TNIK: variants seen among roughly 807,000 people sequenced by gnomAD.
The protein encoded by TNIK is TRAF2 and NCK interacting kinase, also known as TRAF2 and NCK-interacting protein kinase.
In TNIK, 49 loss-of-function variants were observed where a neutral mutation model predicts 191.3. The ratio of observed to expected loss-of-function variants is 0.26; its 90% CI spans 0.20 to 0.32. The LOEUF (loss-of-function observed/expected upper bound fraction) is 0.32. TNIK is among the 10% of genes least tolerant of loss of function. The pLI, the probability that TNIK is intolerant of heterozygous loss-of-function variation, is 1.00. For synonymous variants in TNIK, 594 were observed against 600.9 expected (o/e 0.99, Z 0.17); for missense variants, 1,155 against 1,702.3 (o/e 0.68, Z 5.66).
rs201018663 is a variant in TNIK, at chr3:171,441,728, CT to C, written c.57+18278del. Among the ~76,000 whole-genome samples the C allele has an allele frequency of 8.2e-3, 1,248 of 152,280 alleles. 19 individuals carry two copies. The highest frequency in any genetic ancestry group is 0.029 in the African/African-American group (1,213 of 41,542). ...TTTAACTTTTTCAGAAATAGCCAAA[CT>C]GTTTTTCAAAGTGGCTGAGTTATTT... On this transcript the variant is annotated intron_variant, in intron 1 of 32. Transcript: ENST00000436636.
chr3:171,266,478 G>A (rs1488846565), intron 2 of TNIK, among the ~76,000 whole-genome samples: 2 of 152,032 alleles, frequency 1.3e-5, no homozygotes, highest in South Asian at 2.1e-4. Flanking sequence ...TCCTTAGGTT[G>A]CCCCCAACCC....
At chr3:171,202,345 G>A (rs969809216) in intron 4 of TNIK, among the ~76,000 whole-genome samples, 4 of 152,108 alleles carry the variant, frequency 2.6e-5, no homozygotes, top group Admixed American at 2.6e-4. Flanking sequence ...GAAGAATGTG[G>A]GGTGAGGAAT....
At chr3:171,164,951 A>G (rs1433473074) in intron 10 of TNIK, among the ~76,000 whole-genome samples, 1 of 152,200 alleles carries the variant, frequency 6.6e-6, no homozygotes, top group African/African-American at 2.4e-5. Flanking sequence ...TGATAGTCTA[A>G]GCTGATCATA....
rs755546359 is a variant in TNIK at position 171,110,873 on chromosome 3, G to C, written c.2125C>G (p.Pro709Ala). Residue 709 changes from proline to alanine, a missense_variant, in exon 19 of 33, where the codon CCT becomes GCT. Pro to Ala is a conservative substitution (Grantham distance 27, BLOSUM62 -1). This residue lies in a region of TNIK where 735 missense variants were observed against 848.0 expected (regional missense o/e 0.87). Transcript: ENST00000436636. ...LGSQPIRASNPDLRRTEPILE... is the reference protein window; with the variant it reads ...LGSQPIRASNADLRRTEPILE... Reference sequence around the variant, plus strand: ...ATGGGCTCAGTTCTCCGGAGATCAGGGTTGCTGTGTGAGTGACAGAGCACA... The same window carrying C: ...ATGGGCTCAGTTCTCCGGAGATCAGCGTTGCTGTGTGAGTGACAGAGCACA... 6.9e-6 allele frequency: 11 copies of C among 1,600,660 alleles called. No individual in the cohort carries two copies. Among genetic ancestry groups the C allele is most frequent in the Non-Finnish European group, 9.4e-6 (11 of 1,174,338 alleles).
At chr3:171,435,603 C>T (rs1178191581) in intron 1 of TNIK, among the ~76,000 whole-genome samples, 1 of 152,030 alleles carries the variant, frequency 6.6e-6, no homozygotes, top group Non-Finnish European at 1.5e-5. Context: ...AAAATAACTG[C>T]TAAGTTGTAC....
At chr3:171,269,256 C>T (rs548799977) in intron 2 of TNIK, among the ~76,000 whole-genome samples, 1 of 48,740 alleles carries the variant, frequency 2.1e-5, no homozygotes, top group Non-Finnish European at 4.8e-5. Flanking sequence ...TAAACACTCT[C>T]TCTTTCATTT....
At chr3:171,133,740 A>G (rs1343703970) in intron 15 of TNIK, among the ~76,000 whole-genome samples, 3 of 152,262 alleles carry the variant, frequency 2.0e-5, no homozygotes, top group South Asian at 2.1e-4. Flanking sequence ...GGAACTTTAT[A>G]TATAAACTAA....
At chr3:171,344,940 T>C (rs1191426764) in intron 2 of TNIK, among the ~76,000 whole-genome samples, 1 of 152,148 alleles carries the variant, frequency 6.6e-6, no homozygotes, top group African/African-American at 2.4e-5. Flanking sequence ...TTTGTATATA[T>C]ATATCATCTA....
At chr3:171,378,055 G>T (rs371244085) in intron 1 of TNIK, among the ~76,000 whole-genome samples, 22 of 152,360 alleles carry the variant, frequency 1.4e-4, no homozygotes, top group African/African-American at 5.0e-4. Flanking sequence ...AAACCACAAT[G>T]AGCCAAATGG....
At chr3:171,386,099 A>G (rs1011801134) in intron 1 of TNIK, among the ~76,000 whole-genome samples, 4 of 152,222 alleles carry the variant, frequency 2.6e-5, no homozygotes, top group Non-Finnish European at 5.9e-5. Flanking sequence ...AGCTACATGC[A>G]CTGTACCTAG....
intron 22 of TNIK, among the ~76,000 whole-genome samples, chr3:171,097,056 T>C (rs1382594235): frequency 1.3e-5 from 2 of 152,142 alleles, no homozygotes; most frequent in Admixed American, 1.3e-4. Flanking sequence ...TATCATAGAA[T>C]AACAAAAAAT....
At chr3:171,285,557 G>A (rs1221313842) in intron 2 of TNIK, among the ~76,000 whole-genome samples, 1 of 152,166 alleles carries the variant, frequency 6.6e-6, no homozygotes, top group Non-Finnish European at 1.5e-5. Flanking sequence ...GAAGGCTGTG[G>A]CACAGTTTAA....
Position 171,433,387 on chromosome 3 carries a change from A to G in TNIK, c.57+26620T>C, listed in dbSNP as rs1246895007. ...ACAAATCAAGACAAATTATAGAAAG[A>G]AAAGGAAAATCATACATAATTGAGC... On this transcript the variant is annotated intron_variant, in intron 1 of 32. Coordinates refer to ENST00000436636, the MANE Select transcript of TNIK (RefSeq NM_015028.4). 2.6e-5 allele frequency among the ~76,000 whole-genome samples: 4 copies of G among 152,226 alleles called. No individual in the cohort carries two copies. In the East Asian group the frequency reaches 7.7e-4, roughly 29 times the overall value.
At chr3:171,179,326 T>C (rs976224034) in intron 7 of TNIK, among the ~76,000 whole-genome samples, 5 of 152,214 alleles carry the variant, frequency 3.3e-5, no homozygotes, top group African/African-American at 1.2e-4. Context: ...TCCCAGAGGC[T>C]CTTGGCCTCG....
chr3:171,075,713 G>GTT (rs529576881), intron 28 of TNIK, among the ~76,000 whole-genome samples: 10 of 143,932 alleles, frequency 6.9e-5, no homozygotes, highest in South Asian at 4.5e-4. Flanking sequence ...GACATTAAAC[G>GTT]TTTTTTTTTT....
At chr3:171,088,902 A>AT (rs747692835) in intron 23 of TNIK, among the ~76,000 whole-genome samples, 7 of 152,130 alleles carry the variant, frequency 4.6e-5, no homozygotes, top group Non-Finnish European at 8.8e-5. Context: ...TTTAGTTCCT[A>AT]CTAAGTGTAA....
At chr3:171,129,268 G>A (rs1254972841) in intron 15 of TNIK, among the ~76,000 whole-genome samples, 1 of 152,150 alleles carries the variant, frequency 6.6e-6, no homozygotes, top group Non-Finnish European at 1.5e-5. Context: ...CATTTAGATG[G>A]CTTGGGGAAC....
chr3:171,150,877 G>A (rs1164273219), intron 12 of TNIK, among the ~76,000 whole-genome samples: 10 of 152,188 alleles, frequency 6.6e-5, no homozygotes, highest in Admixed American at 2.0e-4. Flanking sequence ...ACTAAACAGG[G>A]AAGGTACATT....
intron 1 of TNIK, among the ~76,000 whole-genome samples, chr3:171,427,323 C>T (rs563762309): frequency 3.8e-4 from 58 of 152,278 alleles, no homozygotes; most frequent in African/African-American, 1.3e-3. Flanking sequence ...CATCTCAGCT[C>T]TTATGTTTCT....
Sources: allele counts gnomAD v4.1 joint callset (sites outside exome capture counted in the v4.1 genomes callset), GRCh38; gene constraint gnomAD v4.1.1; regional missense constraint gnomAD v4.1.1; transcripts MANE v1.5; gene names NCBI Gene and HGNC (gene_info 2026-07-23, HGNC 2026-07-21).